KLHL7: variants seen among roughly 807,000 people sequenced by gnomAD.
KLHL7 encodes the protein kelch like family member 7, also known as kelch-like protein 7.
Under a neutral mutation model 67.4 loss-of-function variants are expected in KLHL7, and 44 were observed. The ratio of observed to expected loss-of-function variants is 0.65; its 90% CI spans 0.51 to 0.84. The LOEUF is 0.84. Ranked by LOEUF, KLHL7 falls within the 40% of genes least tolerant of loss-of-function variation. KLHL7 has a pLI of 0.00. For missense variants in KLHL7, 362 were observed against 718.1 expected, an observed-to-expected ratio of 0.50 and a Z score of 5.67; for synonymous variants, 252 against 243.3, an observed-to-expected ratio of 1.04 and a Z score of -0.33.
At chr7:23,129,582 A>G (rs1783718841) in intron 4 of KLHL7, 1 of 207,888 alleles carries the variant, frequency 4.8e-6, no homozygotes, top group Non-Finnish European at 9.6e-6. Flanking sequence ...CGAGTCGACT[A>G]CATTGAATTC....
intron 6 of KLHL7, among the ~76,000 whole-genome samples, chr7:23,147,197 C>G (rs745619341): frequency 1.3e-5 from 2 of 149,562 alleles, no homozygotes; most frequent in Non-Finnish European, 3.0e-5. Flanking sequence ...TCAAGTGATT[C>G]TCGTGCCTCA....
At chr7:23,169,497 C>T (rs770164319) in intron 9 of KLHL7, among the ~76,000 whole-genome samples, 8 of 151,974 alleles carry the variant, frequency 5.3e-5, no homozygotes, top group Non-Finnish European at 1.0e-4. Flanking sequence ...ACCCTAGGCT[C>T]AAAAAGTGTT....
chr7:23,111,156 A>C (rs965304586), intron 1 of KLHL7, among the ~76,000 whole-genome samples: 2 of 152,204 alleles, frequency 1.3e-5, no homozygotes, highest in Admixed American at 6.5e-5. Flanking sequence ...TGGGTGGGTA[A>C]TTTGACCATC....
chr7:23,108,112 T>G (rs530487388), intron 1 of KLHL7, among the ~76,000 whole-genome samples: 1 of 152,306 alleles, frequency 6.6e-6, no homozygotes, highest in Admixed American at 6.5e-5. Flanking sequence ...TACAATCTCA[T>G]TGCTTTAAGG....
chr7:23,110,093 A>G (rs924189274), intron 1 of KLHL7, among the ~76,000 whole-genome samples: 2 of 152,204 alleles, frequency 1.3e-5, no homozygotes, highest in Non-Finnish European at 2.9e-5. Flanking sequence ...CTTGGCCACT[A>G]ATTTCCACTA....
At chr7:23,119,672 T>G (rs1783248965) in intron 1 of KLHL7, among the ~76,000 whole-genome samples, 1 of 152,248 alleles carries the variant, frequency 6.6e-6, no homozygotes, top group South Asian at 2.1e-4. Flanking sequence ...TCACTACATT[T>G]TTGAAATGGT....
intron 1 of KLHL7, among the ~76,000 whole-genome samples, chr7:23,116,030 A>G (rs3807453): frequency 0.054 from 8,284 of 152,266 alleles, 262 homozygotes; most frequent in South Asian, 0.079. Context: ...GTTCTATCTA[A>G]TGACAAAGCC....
chr7:23,157,534 AAG>A (rs752842035), intron 7 of KLHL7, among the ~76,000 whole-genome samples: 4 of 152,228 alleles, frequency 2.6e-5, no homozygotes, highest in Non-Finnish European at 4.4e-5. Flanking sequence ...TCATGTAAAG[AAG>A]AGAGTAAATC....
chr7:23,154,591 G>T (rs185673941), intron 7 of KLHL7, among the ~76,000 whole-genome samples: 1 of 152,102 alleles, frequency 6.6e-6, no homozygotes, highest in African/African-American at 2.4e-5. Context: ...AGCATTACGC[G>T]CATCAACACA....
intron 7 of KLHL7, 24 bp from the exon 8 acceptor site, chr7:23,165,674 G>T (rs763379471): frequency 1.2e-6 from 2 of 1,613,868 alleles, no homozygotes; most frequent in Non-Finnish European, 1.7e-6. Flanking sequence ...CTTACTGAAA[G>T]CTTCCCATCC....
intron 1 of KLHL7, among the ~76,000 whole-genome samples, chr7:23,123,485 A>G (rs1457442278): frequency 1.6e-5 from 2 of 127,914 alleles, no homozygotes; most frequent in Admixed American, 1.5e-4. Context: ...TCTGTGTCAG[A>G]AAAAAAAAAA....
rs57658434 is a variant in KLHL7 at position 23,175,953 on chromosome 7, T to TAAAAAAA, written c.*1674_*1680dup. On this transcript the variant is annotated 3_prime_UTR_variant, in exon 11 of 11. Coordinates refer to ENST00000339077, the MANE Select transcript of KLHL7 (RefSeq NM_001031710.3). Reference sequence around the variant, plus strand: ...CCCAGCCTGGGCAACAGAGCAAGACTAAAAAAAAAAAAAAAAAAAAAAAAA... The same window carrying TAAAAAAA: ...CCCAGCCTGGGCAACAGAGCAAGACTAAAAAAAAAAAAAAAAAAAAAAAAAAAAAAAA... 7 of 60,492 alleles carry TAAAAAAA rather than the reference T, an allele frequency of 1.2e-4. No individual in the cohort carries two copies. The highest frequency in any genetic ancestry group is 2.8e-4 in the African/African-American group (4 of 14,162). 3.7% of individuals were successfully genotyped at this position (60,492 alleles called of 1,614,324 possible).
At chr7:23,144,687 C>T (rs1024193662) in intron 6 of KLHL7, among the ~76,000 whole-genome samples, 2 of 152,160 alleles carry the variant, frequency 1.3e-5, no homozygotes, top group African/African-American at 2.4e-5. Flanking sequence ...TCCTGGCTGT[C>T]CTCTACCTTA....
intron 7 of KLHL7, among the ~76,000 whole-genome samples, chr7:23,160,250 C>T (rs897193949): frequency 1.3e-5 from 2 of 152,180 alleles, no homozygotes; most frequent in African/African-American, 4.8e-5. Flanking sequence ...AGATAACTGG[C>T]AAGGTAGCAG....
intron 4 of KLHL7, among the ~76,000 whole-genome samples, chr7:23,138,441 G>A (rs1460972331): frequency 1.6e-5 from 2 of 121,396 alleles, no homozygotes; most frequent in Non-Finnish European, 3.3e-5. Context: ...CAGCCTGGGC[G>A]ACAGAGCAAG....
At chr7:23,159,074 G>A (rs1784785592) in intron 7 of KLHL7, among the ~76,000 whole-genome samples, 1 of 152,078 alleles carries the variant, frequency 6.6e-6, no homozygotes, top group Non-Finnish European at 1.5e-5. Context: ...ATAACTGAAT[G>A]GAATCTAACT....
At chr7:23,142,358 CA>C (rs1304031073) in intron 5 of KLHL7, among the ~76,000 whole-genome samples, 1 of 152,082 alleles carries the variant, frequency 6.6e-6, no homozygotes, top group Non-Finnish European at 1.5e-5. Flanking sequence ...GTTCTAAAAA[CA>C]AAAATTTGCA....
intron 1 of KLHL7, among the ~76,000 whole-genome samples, chr7:23,111,391 C>T (rs995513743): frequency 6.6e-6 from 1 of 152,132 alleles, no homozygotes; most frequent in African/African-American, 2.4e-5. Flanking sequence ...ATGAAACTGG[C>T]GAAGTAGCTA....
At chr7:23,151,560 C>G (rs1360510704) in intron 6 of KLHL7, among the ~76,000 whole-genome samples, 2 of 152,206 alleles carry the variant, frequency 1.3e-5, no homozygotes, top group Non-Finnish European at 2.9e-5. Flanking sequence ...TTCTAACAAA[C>G]TCCCAAATGC....
Sources: gnomAD v4.1 joint callset for allele counts (sites outside exome capture counted in the v4.1 genomes callset) on GRCh38, gnomAD v4.1.1 for gene constraint, MANE v1.5 for transcripts, NCBI Gene and HGNC (gene_info 2026-07-23, HGNC 2026-07-21) for gene names.